Variants in PLOD2 observed in about 807,000 individuals in gnomAD.
The protein encoded by PLOD2 is lysine hydroxylase 2.
In PLOD2, 65 loss-of-function variants were observed where a neutral mutation model predicts 101.0. The observed-to-expected ratio is 0.64, with a 90% CI of 0.53 to 0.79. PLOD2 has a LOEUF of 0.79. PLOD2 is among the 30% of genes least tolerant of loss of function. The pLI is 0.00. For missense variants in PLOD2, 909 were observed against 914.6 expected, an observed-to-expected ratio of 0.99 and a Z score of 0.08; for synonymous variants, 314 against 302.9, an observed-to-expected ratio of 1.04 and a Z score of -0.38.
At chr3:146,105,780 G>A (rs1196671210) in intron 5 of PLOD2, among the ~76,000 whole-genome samples, 1 of 152,178 alleles carries the variant, frequency 6.6e-6, no homozygotes. Context: ...TACTGATAAA[G>A]TGTGGATACA....
At chr3:146,106,158 G>C (rs1559851632) in intron 5 of PLOD2, among the ~76,000 whole-genome samples, 1 of 152,176 alleles carries the variant, frequency 6.6e-6, no homozygotes, top group East Asian at 1.9e-4. Flanking sequence ...GTATGCAGTG[G>C]AGGTAGGGCC....
chr3:146,137,463 G>A (rs938305754), intron 1 of PLOD2, among the ~76,000 whole-genome samples: 1 of 152,094 alleles, frequency 6.6e-6, no homozygotes, highest in African/African-American at 2.4e-5. Context: ...TGGTCAGGCT[G>A]GTCTATAACT....
intron 9 of PLOD2, 118 bp from the exon 10 acceptor site, chr3:146,087,026 T>C: frequency 1.9e-6 from 1 of 529,198 alleles, no homozygotes; most frequent in Non-Finnish European, 3.2e-6. Flanking sequence ...GATATTCAAT[T>C]ACATATAAAA....
At chr3:146,155,714 CAAAA>C (rs766107067) in intron 1 of PLOD2, among the ~76,000 whole-genome samples, 2 of 54,054 alleles carry the variant, frequency 3.7e-5, no homozygotes, top group Non-Finnish European at 3.8e-5. Context: ...GACTCTGTCT[CAAAA>C]AAAAAAAAAA....
chr3:146,112,895 G>C (rs552414844), intron 3 of PLOD2, among the ~76,000 whole-genome samples: 1 of 150,488 alleles, frequency 6.6e-6, no homozygotes, highest in Non-Finnish European at 1.5e-5. Context: ...TAATAGGTGC[G>C]GCAAACCACC....
chr3:146,076,697 T>C (rs1936352456), intron 15 of PLOD2, 85 bp downstream of exon 15: 6 of 738,068 alleles, frequency 8.1e-6, no homozygotes, highest in Non-Finnish European at 1.4e-5. Context: ...AAAAAGCCTC[T>C]AACCACATTT....
At chr3:146,150,344 T>A (rs750641503) in intron 1 of PLOD2, among the ~76,000 whole-genome samples, 6 of 152,126 alleles carry the variant, frequency 3.9e-5, no homozygotes, top group Non-Finnish European at 7.4e-5. Flanking sequence ...GGGTCCCCAA[T>A]TTTTAAGTAG....
intron 7 of PLOD2, among the ~76,000 whole-genome samples, chr3:146,100,800 A>G (rs911244064): frequency 1.3e-5 from 2 of 152,174 alleles, no homozygotes; most frequent in African/African-American, 4.8e-5. Flanking sequence ...AGAGCCTTGT[A>G]TGACAAGTTG....
intron 17 of PLOD2, among the ~76,000 whole-genome samples, chr3:146,071,787 C>A (rs1416112102): frequency 6.6e-6 from 1 of 151,680 alleles, no homozygotes; most frequent in South Asian, 2.1e-4. Context: ...GATGAGCATA[C>A]ACTTAGCATA....
intron 1 of PLOD2, among the ~76,000 whole-genome samples, chr3:146,150,492 G>A (rs1249939710): frequency 1.3e-5 from 2 of 151,960 alleles, no homozygotes; most frequent in Non-Finnish European, 2.9e-5. Context: ...TCCAAATACC[G>A]AATATTCTCA....
rs1278911611 is a variant in PLOD2 at position 146,110,400 on chromosome 3, G to C, written c.387C>G (p.Phe129Leu). ...AGGPEEVLKK[F>L]QKANHKVVFA... is the part of the protein sequence containing the mutation. ...AGACCACTTTGTGGTTTGCCTTTTG[G>C]AATTTTTTTAGAACTTCTTCTGGAC... Residue 129 changes from phenylalanine (F) to leucine (L), a missense_variant, in exon 4 of 20, where the codon TTC becomes TTG. Physicochemically the swap from Phe to Leu is conservative, Grantham distance 22. Coordinates refer to ENST00000282903, the MANE Select transcript of PLOD2 (RefSeq NM_182943.3). 4.3e-6 allele frequency: 7 copies of C among 1,613,396 alleles called. No individual in the cohort carries two copies. Among genetic ancestry groups the C allele is most frequent in the Non-Finnish European group, 5.9e-6 (7 of 1,179,734 alleles).
At position 146,159,196 on chromosome 3, in the gene PLOD2, C is replaced by G. The variant is rs1269114592; in HGVS notation, c.109+1685G>C. Reference sequence around the variant, plus strand: ...AACCGAATTCTCCATGCCTGCTTACCAAGTGACCAGTCCTCAGATTTAAAC... The same window carrying G: ...AACCGAATTCTCCATGCCTGCTTACGAAGTGACCAGTCCTCAGATTTAAAC... On this transcript the variant is annotated intron_variant, in intron 1 of 19. Transcript: ENST00000282903. 7.2e-5 allele frequency among the ~76,000 whole-genome samples: 11 copies of G among 152,144 alleles called. No individual in the cohort carries two copies. In the South Asian group the frequency reaches 1.9e-3, roughly 26 times the overall value.
At chr3:146,134,814 C>T (rs956164039) in intron 1 of PLOD2, among the ~76,000 whole-genome samples, 7 of 152,158 alleles carry the variant, frequency 4.6e-5, no homozygotes, top group African/African-American at 1.7e-4. Flanking sequence ...CTTAGGCAAG[C>T]CATGCTCTAA....
chr3:146,146,004 G>A (rs976329042), intron 1 of PLOD2, among the ~76,000 whole-genome samples: 1 of 152,130 alleles, frequency 6.6e-6, no homozygotes, highest in African/African-American at 2.4e-5. Flanking sequence ...AAACAATAAG[G>A]ATGGTGAGGG....
At chr3:146,144,997 G>A (rs999731849) in intron 1 of PLOD2, among the ~76,000 whole-genome samples, 3 of 151,956 alleles carry the variant, frequency 2.0e-5, no homozygotes, top group East Asian at 1.9e-4. Context: ...ACTCTTAAAC[G>A]AAGTTATGCC....
chr3:146,074,282 T>G (rs752432744), intron 15 of PLOD2, among the ~76,000 whole-genome samples: 3 of 151,614 alleles, frequency 2.0e-5, no homozygotes, highest in Admixed American at 1.3e-4. Flanking sequence ...TAGAAATTAT[T>G]AATTTTCTCT....
intron 1 of PLOD2, among the ~76,000 whole-genome samples, chr3:146,141,758 G>T (rs1288018085): frequency 1.3e-5 from 2 of 152,022 alleles, no homozygotes; most frequent in Non-Finnish European, 2.9e-5. Flanking sequence ...GTCTTCATGG[G>T]TCTTACAATA....
At chr3:146,108,469 C>T (rs778340958) in intron 4 of PLOD2, among the ~76,000 whole-genome samples, 9 of 152,188 alleles carry the variant, frequency 5.9e-5, no homozygotes, top group Non-Finnish European at 8.8e-5. Context: ...AGGTTTGAGA[C>T]ACCGTGCCTG....
At chr3:146,158,142 C>A (rs778905764) in intron 1 of PLOD2, among the ~76,000 whole-genome samples, 2 of 152,084 alleles carry the variant, frequency 1.3e-5, no homozygotes, top group Non-Finnish European at 2.9e-5. Context: ...GGCAGGAATA[C>A]ATCCACCTTC....
Sources: gnomAD v4.1 joint callset for allele counts (sites outside exome capture counted in the v4.1 genomes callset) on GRCh38, gnomAD v4.1.1 for gene constraint, MANE v1.5 for transcripts, NCBI Gene and HGNC (gene_info 2026-07-23, HGNC 2026-07-21) for gene names.